Variants in GALNT13 observed in about 807,000 individuals in gnomAD.
The protein encoded by GALNT13 is polypeptide N-acetylgalactosaminyltransferase 13.
Under a neutral mutation model 64.2 loss-of-function variants are expected in GALNT13, and 28 were observed. The ratio of observed to expected loss-of-function variants is 0.44; its 90% CI spans 0.32 to 0.60. GALNT13 has a LOEUF of 0.60. Among genes scored for constraint, GALNT13 ranks in the 20% least tolerant of loss-of-function variants. The pLI, the probability that GALNT13 is intolerant of heterozygous loss-of-function variation, is 0.05. For missense variants in GALNT13, 577 were observed against 669.8 expected, an observed-to-expected ratio of 0.86 and a Z score of 1.53; for synonymous variants, 214 against 224.6, an observed-to-expected ratio of 0.95 and a Z score of 0.42.
rs1199838333 is a variant in GALNT13 at position 154,332,343 on chromosome 2, G to A, written c.1156+30754G>A. On this transcript the variant is annotated intron_variant, in intron 9 of 12. Coordinates refer to ENST00000392825, the MANE Select transcript of GALNT13 (RefSeq NM_052917.4). ...GCTTGGTTTTTACAAGAGTTCCCTAGTTTTGATAAATTCTTGAATCTCAGT... is the reference window on the plus strand; with the variant it reads ...GCTTGGTTTTTACAAGAGTTCCCTAATTTTGATAAATTCTTGAATCTCAGT... Among the ~76,000 whole-genome samples the A allele has an allele frequency of 3.9e-5, 6 of 151,982 alleles. No homozygotes were observed. The South Asian group carries it at 1.0e-3, about 26-fold the overall frequency.
intron 10 of GALNT13, among the ~76,000 whole-genome samples, chr2:154,407,273 A>C (rs928042938): frequency 2.6e-5 from 4 of 152,196 alleles, no homozygotes; most frequent in Non-Finnish European, 5.9e-5. Context: ...TTCTCTAAGT[A>C]TAATGGCATT....
At chr2:154,116,933 C>T (rs1255211190) in intron 3 of GALNT13, among the ~76,000 whole-genome samples, 2 of 152,110 alleles carry the variant, frequency 1.3e-5, no homozygotes, top group Non-Finnish European at 2.9e-5. Context: ...CGTATTCACT[C>T]ACACACTCGC....
chr2:153,575,682 T>C, the GALNT13 span, among the ~76,000 whole-genome samples: 357 of 152,252 alleles, frequency 2.3e-3, 1 homozygote, highest in Non-Finnish European at 4.3e-3. Flanking sequence ...ACTGCCAGAC[T>C]ACCACCAATA....
the GALNT13 span, among the ~76,000 whole-genome samples, chr2:153,184,659 A>G: frequency 1.3e-5 from 2 of 152,052 alleles, no homozygotes; most frequent in Non-Finnish European, 1.5e-5. Context: ...TAGTTTATTG[A>G]GAGTTTTTTT....
At chr2:154,416,272 A>G (rs1700002104) in intron 11 of GALNT13, among the ~76,000 whole-genome samples, 1 of 152,184 alleles carries the variant, frequency 6.6e-6, no homozygotes, top group Admixed American at 6.6e-5. Context: ...TCCAAGATCA[A>G]GACACCAGCA....
At chr2:153,332,880 C>T in the GALNT13 span, among the ~76,000 whole-genome samples, 2 of 152,196 alleles carry the variant, frequency 1.3e-5, no homozygotes, top group African/African-American at 4.8e-5. Flanking sequence ...CTGAGACAAC[C>T]GTCAATGGCA....
the GALNT13 span, among the ~76,000 whole-genome samples, chr2:153,351,025 T>G: frequency 2.6e-5 from 4 of 152,160 alleles, no homozygotes; most frequent in African/African-American, 9.7e-5. Context: ...TTGTAGGTTT[T>G]AAGGAGGATA....
the GALNT13 span, among the ~76,000 whole-genome samples, chr2:153,549,822 C>G: frequency 3.5e-4 from 54 of 152,120 alleles, no homozygotes; most frequent in African/African-American, 1.2e-3. Context: ...TTGCTGATGA[C>G]CATATTAAAA....
intron 8 of GALNT13, among the ~76,000 whole-genome samples, chr2:154,299,833 G>A (rs574234754): frequency 1.3e-5 from 2 of 151,784 alleles, no homozygotes; most frequent in African/African-American, 2.4e-5. Flanking sequence ...TATTCTTCTC[G>A]TATATTCATC....
rs1198616150 is a variant in GALNT13, at chr2:153,944,402, A to G, written c.-96A>G. 1.8e-6 allele frequency: 2 copies of G among 1,098,884 alleles called. No homozygotes were observed. Among genetic ancestry groups the G allele is most frequent in the Non-Finnish European group, 2.7e-6 (2 of 752,402 alleles). The allele number at this position is 1,098,884 out of a possible 1,614,324, so 68.1% of individuals were successfully genotyped here. A position where few individuals can be genotyped will look rare whatever the true frequency, so the allele number is the denominator to read the frequency against. ...TCTTTGTTTTAATGCAGTGGAATGT[A>G]TCCTGCTTTCATCTTGGAGTTCACC... On this transcript the variant is annotated 5_prime_UTR_variant, in exon 3 of 13. Transcript: ENST00000392825.
At chr2:154,364,434 C>A (rs1264816774) in intron 9 of GALNT13, among the ~76,000 whole-genome samples, 1 of 147,508 alleles carries the variant, frequency 6.8e-6, no homozygotes, top group Non-Finnish European at 1.5e-5. Context: ...TATCTCGACT[C>A]CAGTAAATTC....
intron 1 of GALNT13, among the ~76,000 whole-genome samples, chr2:153,873,314 G>A (rs1021208580): frequency 1.3e-5 from 2 of 152,200 alleles, no homozygotes; most frequent in South Asian, 2.1e-4. Context: ...TCCCCTTGCC[G>A]GGTCCGAGGG....
the GALNT13 span, among the ~76,000 whole-genome samples, chr2:153,639,137 G>T: frequency 6.6e-6 from 1 of 151,960 alleles, no homozygotes; most frequent in Non-Finnish European, 1.5e-5. Flanking sequence ...AAATACAAGA[G>T]GGTGATTGCA....
At chr2:153,427,985 C>T in the GALNT13 span, among the ~76,000 whole-genome samples, 3 of 151,922 alleles carry the variant, frequency 2.0e-5, no homozygotes, top group African/African-American at 4.8e-5. Context: ...TGTTTTTGCT[C>T]TTCATTATTT....
the GALNT13 span, among the ~76,000 whole-genome samples, chr2:153,436,064 T>A: frequency 6.6e-6 from 1 of 152,222 alleles, no homozygotes; most frequent in African/African-American, 2.4e-5. Context: ...TCAAAGGCCT[T>A]TTCTGCATCT....
At chr2:153,287,164 G>A in the GALNT13 span, among the ~76,000 whole-genome samples, 1 of 152,168 alleles carries the variant, frequency 6.6e-6, no homozygotes, top group Non-Finnish European at 1.5e-5. Flanking sequence ...AATCTCACTC[G>A]CAGGCACGCG....
At chr2:153,911,806 G>A (rs188348846) in intron 2 of GALNT13, among the ~76,000 whole-genome samples, 185 of 152,116 alleles carry the variant, frequency 1.2e-3, no homozygotes, top group Non-Finnish European at 1.6e-3. Context: ...TCCTTTTGTG[G>A]GTGACCTGTC....
At chr2:153,960,431 G>A (rs1474171947) in intron 3 of GALNT13, among the ~76,000 whole-genome samples, 1 of 152,218 alleles carries the variant, frequency 6.6e-6, no homozygotes, top group East Asian at 1.9e-4. Flanking sequence ...AACAGACAGT[G>A]TTACAGCTCT....
chr2:153,793,839 C>A, the GALNT13 span, among the ~76,000 whole-genome samples: 2 of 152,084 alleles, frequency 1.3e-5, no homozygotes, highest in African/African-American at 2.4e-5. Context: ...TATAATAATG[C>A]AAGCAAAATA....
Sources: gnomAD v4.1 joint callset for allele counts (sites outside exome capture counted in the v4.1 genomes callset) on GRCh38, gnomAD v4.1.1 for gene constraint, MANE v1.5 for transcripts, NCBI Gene and HGNC (gene_info 2026-07-23, HGNC 2026-07-21) for gene names.